ZBTB20: variants seen among roughly 807,000 people sequenced by gnomAD.
ZBTB20 encodes zinc finger and BTB domain containing 20, also known as zinc finger and BTB domain-containing protein 20.
ZBTB20 carries 9 observed loss-of-function variants against 56.9 expected under a neutral mutation model. The ratio of observed to expected loss-of-function variants is 0.16; its 90% CI spans 0.10 to 0.28. ZBTB20 has a LOEUF of 0.28. Among genes scored for constraint, ZBTB20 ranks in the 10% least tolerant of loss-of-function variants. The pLI is 1.00. For synonymous variants in ZBTB20, 417 were observed against 420.7 expected (o/e 0.99, Z 0.11); for missense variants, 655 against 1,003.0 (o/e 0.65, Z 4.69).
rs191730347 is a variant in ZBTB20, at chr3:114,324,848, T to C, written c.*14157A>G. 1 of 152,284 alleles carries C rather than the reference T, an allele frequency of 6.6e-6. No homozygotes were observed. The highest frequency in any genetic ancestry group is 1.5e-5 in the Non-Finnish European group (1 of 68,028). The allele number at this position is 152,284 out of a possible 1,614,324, so 9.4% of individuals were successfully genotyped here. A position where few individuals can be genotyped will look rare whatever the true frequency, so the allele number is the denominator to read the frequency against. The stretch of plus-strand genomic sequence containing the variant: ...CATCCTCAGGAATCCGTTTCTTCAG[T>C]TTGTCTGGGTCTTCACCCTCCAAAG... On this transcript the variant is annotated 3_prime_UTR_variant, in exon 12 of 12. Coordinates refer to ENST00000675478, the MANE Select transcript of ZBTB20 (RefSeq NM_001348800.3).
intron 4 of ZBTB20, among the ~76,000 whole-genome samples, chr3:114,844,854 CTTTTTCTTTTT>C (rs2074609066): frequency 1.9e-5 from 1 of 53,548 alleles, no homozygotes; most frequent in Admixed American, 3.4e-4. Flanking sequence ...CCATCTTTTT[CTTTTTCTTTTT>C]TTTTTTTTTT....
intron 1 of ZBTB20, among the ~76,000 whole-genome samples, chr3:115,103,817 AC>A (rs2083648748): frequency 1.3e-5 from 2 of 152,208 alleles, no homozygotes; most frequent in African/African-American, 4.8e-5. Flanking sequence ...AACACCAAAG[AC>A]ATAATCCATG....
intron 2 of ZBTB20, among the ~76,000 whole-genome samples, chr3:115,062,152 T>C (rs964974261): frequency 2.6e-5 from 4 of 152,164 alleles, no homozygotes; most frequent in Non-Finnish European, 5.9e-5. Context: ...CCCTTTGCCC[T>C]TCACTGCCTG....
At chr3:114,363,597 T>C (rs1428968583) in intron 10 of ZBTB20, among the ~76,000 whole-genome samples, 1 of 152,154 alleles carries the variant, frequency 6.6e-6, no homozygotes, top group Non-Finnish European at 1.5e-5. Flanking sequence ...AACAAAGGTG[T>C]GTATGCTTCA....
intron 6 of ZBTB20, among the ~76,000 whole-genome samples, chr3:114,501,841 T>G (rs927952387): frequency 1.8e-4 from 27 of 151,338 alleles, no homozygotes; most frequent in African/African-American, 5.8e-4. Context: ...CCTGAGTAGC[T>G]GGGACTACAG....
chr3:114,561,319 C>T (rs965751640), intron 6 of ZBTB20, among the ~76,000 whole-genome samples: 14 of 152,148 alleles, frequency 9.2e-5, no homozygotes, highest in African/African-American at 2.2e-4. Flanking sequence ...TTTATGACAT[C>T]GAGAATGGTG....
chr3:114,872,240 T>C (rs2076040663), intron 4 of ZBTB20, among the ~76,000 whole-genome samples: 1 of 152,098 alleles, frequency 6.6e-6, no homozygotes, highest in Admixed American at 6.6e-5. Context: ...TGCTAGATAC[T>C]GGGAACACAA....
chr3:114,334,131 T>C lies in ZBTB20; in HGVS notation c.*4874A>G, dbSNP rs1231367512. On this transcript the variant is annotated 3_prime_UTR_variant, in exon 12 of 12. Coordinates refer to ENST00000675478, the MANE Select transcript of ZBTB20 (RefSeq NM_001348800.3). ...TATAGCAGAGGCAGACCTGATTTGA[T>C]TATCTGATACCTTTTCCACAAAATC... 6.6e-6 allele frequency: 1 copy of C among 152,212 alleles called. No individual in the cohort carries two copies. The highest frequency in any genetic ancestry group is 1.5e-5 in the Non-Finnish European group (1 of 68,056). 9.4% of individuals were successfully genotyped at this position (152,212 alleles called of 1,614,324 possible). A position where few individuals can be genotyped will look rare whatever the true frequency, so the allele number is the denominator to read the frequency against.
chr3:114,933,726 C>T (rs2076436197), intron 3 of ZBTB20, among the ~76,000 whole-genome samples: 1 of 152,230 alleles, frequency 6.6e-6, no homozygotes, highest in Admixed American at 6.5e-5. Context: ...ATAACCACTA[C>T]ACATCTACAG....
intron 3 of ZBTB20, among the ~76,000 whole-genome samples, chr3:114,941,456 T>G (rs2076720906): frequency 6.8e-6 from 1 of 146,288 alleles, no homozygotes; most frequent in Non-Finnish European, 1.5e-5. Context: ...TCCTAAATTC[T>G]GTTAAAACAC....
At chr3:114,629,759 A>C (rs1347412595) in intron 6 of ZBTB20, among the ~76,000 whole-genome samples, 1 of 152,170 alleles carries the variant, frequency 6.6e-6, no homozygotes, top group African/African-American at 2.4e-5. Context: ...GGATACAGAG[A>C]CCATATAGCA....
chr3:114,380,893 G>A lies in ZBTB20; in HGVS notation c.-106C>T, dbSNP rs1022801449. 13 of 1,054,060 alleles carry A rather than the reference G, an allele frequency of 1.2e-5. No homozygotes were observed. The highest frequency in any genetic ancestry group is 1.4e-5 in the Non-Finnish European group (11 of 782,380). 65.3% of individuals were successfully genotyped at this position (1,054,060 alleles called of 1,614,324 possible). A position where few individuals can be genotyped will look rare whatever the true frequency, so the allele number is the denominator to read the frequency against. On this transcript the variant is annotated 5_prime_UTR_variant, in exon 9 of 12. Coordinates refer to ENST00000675478, the MANE Select transcript of ZBTB20 (RefSeq NM_001348800.3). ...ACTAGCTGTGCCTCTAACTTGCTGT[G>A]TGGCCTTGGGCACCTCACTTCACCT...
chr3:115,128,725 G>A (rs2084411181), intron 1 of ZBTB20, among the ~76,000 whole-genome samples: 1 of 137,174 alleles, frequency 7.3e-6, no homozygotes, highest in Non-Finnish European at 1.6e-5. Context: ...GGGAGGGGAG[G>A]GCAGTGGAGG....
At chr3:115,036,429 A>G (rs2108369310) in intron 2 of ZBTB20, among the ~76,000 whole-genome samples, 1 of 151,768 alleles carries the variant, frequency 6.6e-6, no homozygotes, top group South Asian at 2.1e-4. Context: ...CCTCCCGACT[A>G]GCTGGGACTA....
chr3:115,116,084 T>G (rs571960855), intron 1 of ZBTB20, among the ~76,000 whole-genome samples: 1 of 152,184 alleles, frequency 6.6e-6, no homozygotes, highest in African/African-American at 2.4e-5. Flanking sequence ...TTTTTTTCAG[T>G]CAGTTGTCTG....
intron 1 of ZBTB20, among the ~76,000 whole-genome samples, chr3:115,115,858 C>T (rs959582033): frequency 9.9e-5 from 15 of 151,950 alleles, no homozygotes; most frequent in African/African-American, 3.4e-4. Context: ...CTTCCACCAT[C>T]GCACACCATA....
intron 5 of ZBTB20, among the ~76,000 whole-genome samples, chr3:114,777,222 T>C (rs770104546): frequency 1.3e-5 from 2 of 152,142 alleles, no homozygotes; most frequent in Non-Finnish European, 2.9e-5. Context: ...AATAGATATA[T>C]TAAAACAATA....
At chr3:114,720,591 G>A (rs1264173643) in intron 5 of ZBTB20, among the ~76,000 whole-genome samples, 1 of 151,936 alleles carries the variant, frequency 6.6e-6, no homozygotes, top group Admixed American at 6.6e-5. Flanking sequence ...GATTAAGGAG[G>A]GAGACATCAA....
chr3:114,496,595 G>C (rs1392615337), intron 7 of ZBTB20, among the ~76,000 whole-genome samples: 3 of 152,178 alleles, frequency 2.0e-5, no homozygotes, highest in Non-Finnish European at 1.5e-5. Context: ...CATAGTACAT[G>C]AAACATAAGC....
Sources: gnomAD v4.1 joint callset for allele counts (sites outside exome capture counted in the v4.1 genomes callset) on GRCh38, gnomAD v4.1.1 for gene constraint, MANE v1.5 for transcripts, NCBI Gene and HGNC (gene_info 2026-07-23, HGNC 2026-07-21) for gene names.